Variants in KLF16 observed in about 807,000 individuals in gnomAD.
The protein encoded by KLF16 is KLF transcription factor 16.
In KLF16, 6 loss-of-function variants were observed where a neutral mutation model predicts 6.1. The observed-to-expected ratio is 0.98, with a 90% CI of 0.54 to 1.93. The LOEUF (loss-of-function observed/expected upper bound fraction) is 1.93, where lower values mean the gene tolerates loss of function less well. KLF16 is among the 30% of genes most tolerant of loss of function. The pLI is 0.01. For missense variants in KLF16, 355 were observed against 363.8 expected, an observed-to-expected ratio of 0.98 and a Z score of 0.20; for synonymous variants, 211 against 176.5, an observed-to-expected ratio of 1.20 and a Z score of -1.55.
At chr19:1,860,609 C>G (rs1455127647) in intron 1 of KLF16, among the ~76,000 whole-genome samples, 1 of 152,128 alleles carries the variant, frequency 6.6e-6, no homozygotes, top group Non-Finnish European at 1.5e-5. Context: ...GACTCGGGTT[C>G]GTCTGCGGAT....
chr19:1,870,177 G>C, the KLF16 span, among the ~76,000 whole-genome samples: 1 of 151,454 alleles, frequency 6.6e-6, no homozygotes, highest in Non-Finnish European at 1.5e-5. Flanking sequence ...TGATCTGCCC[G>C]CCTCGGCCTC....
chr19:1,869,111 A>C, the KLF16 span, among the ~76,000 whole-genome samples: 8 of 152,168 alleles, frequency 5.3e-5, no homozygotes, highest in African/African-American at 1.7e-4. Flanking sequence ...GGAAAGGAAA[A>C]GACTTTGGGG....
intron 1 of KLF16, 116 bp downstream of exon 1, chr19:1,862,925 C>T: frequency 2.3e-6 from 1 of 431,496 alleles, no homozygotes; most frequent in Non-Finnish European, 3.1e-6. Context: ...GGCGCGGCGG[C>T]GGCCCGGGCG....
At chr19:1,861,138 T>C (rs938896351) in intron 1 of KLF16, among the ~76,000 whole-genome samples, 12 of 151,710 alleles carry the variant, frequency 7.9e-5, no homozygotes, top group African/African-American at 2.7e-4. Flanking sequence ...TCCAAACCCA[T>C]CCCTCCCCTC....
the KLF16 span, among the ~76,000 whole-genome samples, chr19:1,872,881 C>T: frequency 6.6e-6 from 1 of 152,070 alleles, no homozygotes; most frequent in African/African-American, 2.4e-5. Flanking sequence ...CTTGTGCTGG[C>T]CCCTGGGCCG....
Position 1,854,345 on chromosome 19 carries a change from G to A in KLF16, c.*114C>T. The A allele has an allele frequency of 7.9e-7, 1 of 1,258,696 alleles. No homozygotes were observed. Among genetic ancestry groups the A allele is most frequent in the Non-Finnish European group, 1.0e-6 (1 of 977,544 alleles). 78.0% of individuals were successfully genotyped at this position (1,258,696 alleles called of 1,614,324 possible). ...CTCCTCACTCTCTGGAGGGGGGCAG[G>A]GGTGTCTTCAGGGTTTGCCCACGGC... On this transcript the variant is annotated 3_prime_UTR_variant, in exon 2 of 2. Transcript: ENST00000250916.
rs1398504272 is a variant in KLF16 at position 1,857,607 on chromosome 19, C to T, written c.458-2847G>A. Among the ~76,000 whole-genome samples the T allele has an allele frequency of 1.3e-5, 2 of 152,030 alleles. No individual in the cohort carries two copies. Among genetic ancestry groups the T allele is most frequent in the Non-Finnish European group, 2.9e-5 (2 of 67,990 alleles). On this transcript the variant is annotated intron_variant, in intron 1 of 1. Coordinates refer to ENST00000250916, the MANE Select transcript of KLF16 (RefSeq NM_031918.4). The surrounding 1 kb of genome is among the most constrained non-coding windows in gnomAD (Gnocchi z 4.7). ...TGGAGACAGGACTGCGGGACTGTGC[C>T]AAGGGCCCTGGTTCCGACAGGGAAG...
chr19:1,863,464 C>T lies in KLF16; in HGVS notation c.34G>A (p.Ala12Thr). 1.9e-6 allele frequency: 2 copies of T among 1,047,606 alleles called. No individual in the cohort carries two copies. Among genetic ancestry groups the T allele is most frequent in the Admixed American group, 5.2e-5 (1 of 19,162 alleles). The allele number at this position is 1,047,606 out of a possible 1,614,324, so 64.9% of individuals were successfully genotyped here. The change falls in exon 1 of 2, where the codon GCC becomes ACC. Residue 12 changes from alanine (A) to threonine (T), a missense_variant. Physicochemically the swap from Ala to Thr is moderately conservative, Grantham distance 58 (BLOSUM62 0). Transcript: ENST00000250916. ...GAGATGGCCATGAGCACGTCGGCGG[C>T]GAAGTAATCCACGCACGCCACGGCC... ...SAAVACVDYFAADVLMAISSG... is the reference protein window; with the variant it reads ...SAAVACVDYFTADVLMAISSG...
Position 1,863,284 on chromosome 19 carries a change from C to T in KLF16, c.214G>A (p.Ala72Thr), listed in dbSNP as rs2012110402. Residue 72 changes from alanine to threonine, a missense_variant, in exon 1 of 2, where the codon GCC becomes ACC. Physicochemically the swap from Ala to Thr is moderately conservative, Grantham distance 58. Coordinates refer to ENST00000250916, the MANE Select transcript of KLF16 (RefSeq NM_031918.4). ...PPAASGPGPG[A>T]AAAPHLLAAS... ...GCCAGCAGGTGGGGCGCCGCGGCGG[C>T]GCCGGGGCCCGGGCCAGAAGCGGCG... The T allele has an allele frequency of 5.1e-6, 5 of 985,152 alleles. No homozygotes were observed. The highest frequency in any genetic ancestry group is 6.3e-5 in the Admixed American group (1 of 15,886). 61.0% of individuals were successfully genotyped at this position (985,152 alleles called of 1,614,324 possible).
At chr19:1,859,056 G>A (rs1279329820) in intron 1 of KLF16, among the ~76,000 whole-genome samples, 2 of 152,020 alleles carry the variant, frequency 1.3e-5, no homozygotes, top group Admixed American at 6.5e-5. Context: ...GGTGGGTGGG[G>A]GAGGGCAGTC....
At chr19:1,868,461 CTTTTTTT>C (rs762308559), upstream of KLF16, among the ~76,000 whole-genome samples, 80 of 110,022 alleles carry the variant, frequency 7.3e-4, 6 homozygotes, top group African/African-American at 1.9e-3. Flanking sequence ...CAGATTAGGG[CTTTTTTT>C]TTTTTTTTTT....
chr19:1,874,729 T>G, the KLF16 span: 1 of 65,236 alleles, frequency 1.5e-5, no homozygotes, highest in Non-Finnish European at 2.9e-5. Context: ...TATTCAGCAA[T>G]AAATGTGTCA....
At position 1,854,168 on chromosome 19, in the gene KLF16, AGAGGG is replaced by A. The variant is rs1434788519; in HGVS notation, c.*286_*290del. The A allele has an allele frequency of 2.3e-5, 8 of 343,954 alleles. No individual in the cohort carries two copies. The highest frequency in any genetic ancestry group is 3.6e-5 in the Non-Finnish European group (7 of 193,148). The allele number at this position is 343,954 out of a possible 1,614,324, so 21.3% of individuals were successfully genotyped here. A position where few individuals can be genotyped will look rare whatever the true frequency, so the allele number is the denominator to read the frequency against. On this transcript the variant is annotated 3_prime_UTR_variant, in exon 2 of 2. Coordinates refer to ENST00000250916, the MANE Select transcript of KLF16 (RefSeq NM_031918.4). ...GGGGCAGCAGGGGGTGGTGGAGAGGAGAGGGGAGGACCTCCTAGCTGCCCTGGGGG... is the reference window on the plus strand; with the variant it reads ...GGGGCAGCAGGGGGTGGTGGAGAGGAGAGGACCTCCTAGCTGCCCTGGGGG...
chr19:1,873,422 G>C, the KLF16 span, among the ~76,000 whole-genome samples: 1 of 152,168 alleles, frequency 6.6e-6, no homozygotes, highest in African/African-American at 2.4e-5. Flanking sequence ...CACTGGCCCT[G>C]GGGAGGGTCT....
Position 1,856,500 on chromosome 19 carries a change from G to C in KLF16, c.458-1740C>G, listed in dbSNP as rs543140885. Among the ~76,000 whole-genome samples, 5 of 152,290 alleles carry C rather than the reference G, an allele frequency of 3.3e-5. No homozygotes were observed. In the South Asian group the frequency reaches 1.0e-3, roughly 32 times the overall value. On this transcript the variant is annotated intron_variant, in intron 1 of 1. Transcript: ENST00000250916. The stretch of plus-strand genomic sequence containing the variant: ...AGGGGGAGAGACCAGCTGTCACCAA[G>C]ACCAACAGTAGCCTCAAATCCCTGG...
the KLF16 span, among the ~76,000 whole-genome samples, chr19:1,871,364 A>G: frequency 1.7e-4 from 26 of 152,274 alleles, no homozygotes; most frequent in African/African-American, 6.3e-4. Context: ...GGAGGTGGCC[A>G]TGAGGCCTGC....
At chr19:1,858,508 C>A (rs570916177) in intron 1 of KLF16, among the ~76,000 whole-genome samples, 82 of 152,298 alleles carry the variant, frequency 5.4e-4, no homozygotes, top group African/African-American at 1.9e-3. Flanking sequence ...ACTTCATTGA[C>A]GGCTGGGTCC....
At chr19:1,858,360 G>A (rs2011996299) in intron 1 of KLF16, among the ~76,000 whole-genome samples, 1 of 152,186 alleles carries the variant, frequency 6.6e-6, no homozygotes, top group Non-Finnish European at 1.5e-5. Context: ...CTGAGCAGCA[G>A]TGCCCCTCAC....
chr19:1,867,207 G>A (rs1037450407), upstream of KLF16, among the ~76,000 whole-genome samples: 15 of 152,342 alleles, frequency 9.8e-5, no homozygotes, highest in African/African-American at 3.6e-4. Flanking sequence ...GAGGACAGAT[G>A]AGGGCAGAGG....
Sources: allele counts gnomAD v4.1 joint callset (sites outside exome capture counted in the v4.1 genomes callset), GRCh38; gene constraint gnomAD v4.1.1; non-coding constraint Gnocchi (gnomAD v3.1); transcripts MANE v1.5; gene names NCBI Gene and HGNC (gene_info 2026-07-23, HGNC 2026-07-21).